PPARGC1A: variants seen among roughly 807,000 people sequenced by gnomAD.
PPARGC1A encodes the protein PPARG coactivator 1 alpha.
In PPARGC1A, 25 loss-of-function variants were observed where a neutral mutation model predicts 88.7. The observed-to-expected ratio is 0.28, with a 90% CI of 0.21 to 0.39. The LOEUF (loss-of-function observed/expected upper bound fraction) is 0.39, where lower values mean the gene tolerates loss of function less well. Ranked by LOEUF, PPARGC1A falls within the 10% of genes least tolerant of loss-of-function variation. The pLI is 1.00. For missense variants in PPARGC1A, 880 were observed against 968.7 expected (o/e 0.91, Z 1.22); for synonymous variants, 363 against 355.6 (o/e 1.02, Z -0.24).
the PPARGC1A span, among the ~76,000 whole-genome samples, chr4:24,071,852 G>T: frequency 1.3e-5 from 2 of 152,100 alleles, no homozygotes; most frequent in Admixed American, 1.3e-4. Context: ...AATTCACCTG[G>T]ATCATGAGAA....
At chr4:24,361,536 G>C in the PPARGC1A span, among the ~76,000 whole-genome samples, 1 of 151,980 alleles carries the variant, frequency 6.6e-6, no homozygotes, top group Admixed American at 6.6e-5. Flanking sequence ...CAGCCACATT[G>C]CTTTATATAT....
chr4:23,870,810 G>A (rs1235592409), intron 2 of PPARGC1A, among the ~76,000 whole-genome samples: 7 of 151,980 alleles, frequency 4.6e-5, no homozygotes, highest in Middle Eastern at 3.4e-3. Flanking sequence ...AGGTTTTCCA[G>A]TATGAATTAT....
chr4:24,109,019 C>CCA, the PPARGC1A span, among the ~76,000 whole-genome samples: 225 of 140,728 alleles, frequency 1.6e-3, 1 homozygote, highest in African/African-American at 3.5e-3. Context: ...CACACACACA[C>CCA]CACACACACA....
At chr4:24,234,962 G>A in the PPARGC1A span, among the ~76,000 whole-genome samples, 1 of 152,214 alleles carries the variant, frequency 6.6e-6, no homozygotes, top group Non-Finnish European at 1.5e-5. Flanking sequence ...GTTAGCCTCT[G>A]CAAGAACTCC....
At chr4:24,274,594 C>G in the PPARGC1A span, among the ~76,000 whole-genome samples, 3 of 152,180 alleles carry the variant, frequency 2.0e-5, no homozygotes, top group Non-Finnish European at 2.9e-5. Context: ...AAGCATTACT[C>G]CTCCTCTGAT....
At chr4:24,400,746 CA>C in the PPARGC1A span, among the ~76,000 whole-genome samples, 2 of 152,116 alleles carry the variant, frequency 1.3e-5, no homozygotes, top group Non-Finnish European at 1.5e-5. Flanking sequence ...AAGCGCTTAG[CA>C]CCTAGCTCAT....
chr4:24,174,294 T>C, the PPARGC1A span, among the ~76,000 whole-genome samples: 1 of 152,218 alleles, frequency 6.6e-6, no homozygotes, highest in Non-Finnish European at 1.5e-5. Context: ...CACCTTAACC[T>C]GACCATAAGA....
At chr4:23,896,616 C>A (rs1388343662) in intron 1 of PPARGC1A, among the ~76,000 whole-genome samples, 1 of 152,054 alleles carries the variant, frequency 6.6e-6, no homozygotes, top group Non-Finnish European at 1.5e-5. Flanking sequence ...ACCACTAACC[C>A]CCAGACATGA....
the PPARGC1A span, among the ~76,000 whole-genome samples, chr4:24,184,932 G>C: frequency 6.6e-6 from 1 of 152,222 alleles, no homozygotes; most frequent in Non-Finnish European, 1.5e-5. Flanking sequence ...AGAAAGAGGA[G>C]AGGTGTGTCC....
the PPARGC1A span, among the ~76,000 whole-genome samples, chr4:24,472,255 C>T: frequency 2.0e-5 from 3 of 152,022 alleles, no homozygotes; most frequent in African/African-American, 7.2e-5. This position sits in a 1 kb window ranked among gnomAD's most constrained non-coding sequence, Gnocchi z 4.5. Flanking sequence ...ACAGTGCGAC[C>T]CACTTGGCCC....
At chr4:24,382,924 C>T in the PPARGC1A span, among the ~76,000 whole-genome samples, 1 of 152,164 alleles carries the variant, frequency 6.6e-6, no homozygotes, top group African/African-American at 2.4e-5. Context: ...GTCCCTGACC[C>T]CCATGCCTCC....
chr4:24,204,313 T>G, the PPARGC1A span, among the ~76,000 whole-genome samples: 2 of 152,236 alleles, frequency 1.3e-5, no homozygotes, highest in Non-Finnish European at 2.9e-5. Context: ...TAATCAGTGC[T>G]AGTTGGCTGC....
the PPARGC1A span, among the ~76,000 whole-genome samples, chr4:23,994,862 G>C: frequency 3.9e-5 from 6 of 152,122 alleles, no homozygotes; most frequent in Non-Finnish European, 7.4e-5. Flanking sequence ...GATGACAATA[G>C]AAGCAAAGAC....
At chr4:23,831,424 G>T (rs199941872) in intron 3 of PPARGC1A, 133 bp downstream of exon 3, 2 of 727,272 alleles carry the variant, frequency 2.7e-6, no homozygotes, top group East Asian at 2.6e-5. Flanking sequence ...TTGCAACTCT[G>T]AGTGTGCTTG....
the PPARGC1A span, among the ~76,000 whole-genome samples, chr4:24,014,589 A>T: frequency 6.6e-6 from 1 of 152,094 alleles, no homozygotes; most frequent in Non-Finnish European, 1.5e-5. Context: ...TCCTCTTCCA[A>T]ACTCAATCAA....
At chr4:24,028,359 C>T in the PPARGC1A span, among the ~76,000 whole-genome samples, 3 of 152,078 alleles carry the variant, frequency 2.0e-5, 1 homozygote, top group South Asian at 6.2e-4. Flanking sequence ...AATAATCTAC[C>T]CCAAATCATT....
chr4:24,011,203 T>A, the PPARGC1A span, among the ~76,000 whole-genome samples: 1 of 152,160 alleles, frequency 6.6e-6, no homozygotes. Flanking sequence ...AAGGTCATGT[T>A]TTTTAGAGAG....
chr4:23,853,283 G>T (rs1394720760), intron 2 of PPARGC1A, among the ~76,000 whole-genome samples: 18 of 152,118 alleles, frequency 1.2e-4, no homozygotes, highest in Non-Finnish European at 1.5e-5. Context: ...TGAGAGACAT[G>T]TAAGATAGAA....
Position 23,829,423 on chromosome 4 carries a change from T to C in PPARGC1A, c.552+40A>G, listed in dbSNP as rs769753322. On this transcript the variant is annotated intron_variant, in intron 4 of 12. Coordinates refer to ENST00000264867, the MANE Select transcript of PPARGC1A (RefSeq NM_013261.5). ...TTTTACTGCTTCAAGCCAAAATCCT[T>C]TGGTACATCCCCCCTGTATTAAAAA... 1.1e-4 allele frequency: 179 copies of C among 1,603,766 alleles called. 1 individual carries two copies. Among genetic ancestry groups the C allele is most frequent in the Admixed American group, 5.7e-4 (34 of 59,798 alleles).
Sources: gnomAD v4.1 joint callset for allele counts (sites outside exome capture counted in the v4.1 genomes callset) on GRCh38, gnomAD v4.1.1 for gene constraint, Gnocchi (gnomAD v3.1) non-coding constraint, MANE v1.5 for transcripts, NCBI Gene and HGNC (gene_info 2026-07-23, HGNC 2026-07-21) for gene names.